Variants in TUT4 observed in about 807,000 individuals in gnomAD.
TUT4 encodes the protein terminal uridylyltransferase 4.
In TUT4, 36 loss-of-function variants were observed where a neutral mutation model predicts 192.2. The observed-to-expected ratio is 0.19, with a 90% CI of 0.14 to 0.25. TUT4 has a LOEUF of 0.25. TUT4 is among the 10% of genes least tolerant of loss of function. TUT4 has a pLI of 1.00. For missense variants in TUT4, 1,493 were observed against 1,957.2 expected (o/e 0.76, Z 4.47); for synonymous variants, 618 against 666.0 (o/e 0.93, Z 1.11).
rs1235155847 is a variant in TUT4 at position 52,477,891 on chromosome 1, G to A, written c.1849-9C>T. 6 of 1,570,442 alleles carry A rather than the reference G, an allele frequency of 3.8e-6. No individual in the cohort carries two copies. Among genetic ancestry groups the A allele is most frequent in the South Asian group, 2.4e-5 (2 of 84,018 alleles). On this transcript the variant is annotated splice_polypyrimidine_tract_variant and intron_variant, in intron 11 of 29. Transcript: ENST00000257177. ...TCCAATGCTAAAGGAGACTGGAAAAGAAAAAATACTTTTCATTTAAGCTTA... is the reference window on the plus strand; with the variant it reads ...TCCAATGCTAAAGGAGACTGGAAAAAAAAAAATACTTTTCATTTAAGCTTA...
At chr1:52,476,987 A>G (rs1667257999) in intron 12 of TUT4, among the ~76,000 whole-genome samples, 1 of 152,188 alleles carries the variant, frequency 6.6e-6, no homozygotes, top group Non-Finnish European at 1.5e-5. Flanking sequence ...CTGATGTGAA[A>G]CTTTGTCAAC....
chr1:52,536,655 C>G (rs189444497), intron 1 of TUT4, among the ~76,000 whole-genome samples: 2 of 149,702 alleles, frequency 1.3e-5, no homozygotes, highest in African/African-American at 4.9e-5. Context: ...GAGTTCACAA[C>G]CAGCCTGGAG....
intron 3 of TUT4, among the ~76,000 whole-genome samples, chr1:52,511,717 T>C (rs1262985629): frequency 6.6e-6 from 1 of 152,144 alleles, no homozygotes; most frequent in African/African-American, 2.4e-5. Context: ...AAAGTTAGCA[T>C]AACTGGGAAC....
chr1:52,431,166 C>T lies in TUT4; in HGVS notation c.4558G>A (p.Ala1520Thr). Reference sequence around the variant, plus strand: ...TCATTTAGGCCAATATTGCTGGGGGCACTGCCTGGTGCAGAGTGGATCACT... The same window carrying T: ...TCATTTAGGCCAATATTGCTGGGGGTACTGCCTGGTGCAGAGTGGATCACT... ...GPVIHSAPGS[A>T]PSNIGLNDPS... Residue 1520 changes from alanine (A) to threonine (T), a missense_variant, in exon 28 of 30, where the codon GCC (alanine) becomes ACC (threonine). Ala to Thr is a moderately conservative substitution (Grantham distance 58). Around this residue, in one of 7 missense-constraint regions of TUT4, gnomAD observed 351 missense variants for 397.8 expected, o/e 0.88. Coordinates refer to ENST00000257177, the MANE Select transcript of TUT4 (RefSeq NM_001009881.3). 6.2e-7 allele frequency: 1 copy of T among 1,614,200 alleles called. No homozygotes were observed. Among genetic ancestry groups the T allele is most frequent in the South Asian group, 1.1e-5 (1 of 91,074 alleles).
intron 3 of TUT4, among the ~76,000 whole-genome samples, chr1:52,514,039 G>A (rs1300136070): frequency 6.6e-6 from 1 of 152,166 alleles, no homozygotes; most frequent in Admixed American, 6.5e-5. Flanking sequence ...TTATAAATAA[G>A]GAGATAGAAT....
At chr1:52,426,560 C>CAA (rs11434111) in intron 28 of TUT4, among the ~76,000 whole-genome samples, 1 of 151,420 alleles carries the variant, frequency 6.6e-6, no homozygotes, top group African/African-American at 2.4e-5. Context: ...GAGTAGGCAG[C>CAA]AAAAAAAACT....
chr1:52,474,814 T>C lies in TUT4; in HGVS notation c.2727+18A>G, dbSNP rs750734152. On this transcript the variant is annotated intron_variant, in intron 13 of 29. Coordinates refer to ENST00000257177, the MANE Select transcript of TUT4 (RefSeq NM_001009881.3). ...ACAACCACAAAATCTTACAGATCAT[T>C]TACAAACTGTATCCTACCTTGCCAG... The C allele has an allele frequency of 6.4e-7, 1 of 1,554,364 alleles. No homozygotes were observed. The highest frequency in any genetic ancestry group is 8.7e-7 in the Non-Finnish European group (1 of 1,154,660).
At chr1:52,457,966 C>CTCCTGTT (rs1661448947) in intron 20 of TUT4, among the ~76,000 whole-genome samples, 3 of 152,244 alleles carry the variant, frequency 2.0e-5, no homozygotes, top group African/African-American at 4.8e-5. Flanking sequence ...TGCCAGGCAA[C>CTCCTGTT]AGGAGGGAAA....
chr1:52,484,044 CA>C (rs1669167188), intron 9 of TUT4, among the ~76,000 whole-genome samples: 1 of 151,128 alleles, frequency 6.6e-6, no homozygotes, highest in Non-Finnish European at 1.5e-5. Context: ...CTTGAAAAAG[CA>C]AAACAAAACA....
At chr1:52,527,988 C>G (rs529764757) in intron 1 of TUT4, among the ~76,000 whole-genome samples, 3 of 149,712 alleles carry the variant, frequency 2.0e-5, no homozygotes, top group African/African-American at 7.4e-5. Context: ...ACCAGCCTGG[C>G]CAACATGGTG....
At chr1:52,500,657 G>C (rs1673839951) in intron 4 of TUT4, among the ~76,000 whole-genome samples, 1 of 152,178 alleles carries the variant, frequency 6.6e-6, no homozygotes, top group South Asian at 2.1e-4. Flanking sequence ...AGCTACTTGG[G>C]AGACTGAGGC....
chr1:52,493,965 CTTTTTTTTT>C (rs74540967), intron 6 of TUT4, among the ~76,000 whole-genome samples: 1 of 132,834 alleles, frequency 7.5e-6, no homozygotes, highest in Non-Finnish European at 1.6e-5. Flanking sequence ...CCAGCTAATA[CTTTTTTTTT>C]TTTTTTTTTT....
intron 8 of TUT4, 134 bp downstream of exon 8, chr1:52,490,598 G>A: frequency 1.8e-6 from 1 of 563,516 alleles, no homozygotes; most frequent in Non-Finnish European, 3.0e-6. Context: ...TATTTTTAAT[G>A]AATAGAAACT....
intron 13 of TUT4, among the ~76,000 whole-genome samples, chr1:52,474,378 T>C (rs1200132987): frequency 2.0e-5 from 3 of 152,204 alleles, no homozygotes; most frequent in African/African-American, 7.2e-5. Context: ...CTCAACTACC[T>C]TTAGTATGCT....
At chr1:52,461,033 G>T in intron 19 of TUT4, 101 bp downstream of exon 19, 2 of 955,366 alleles carry the variant, frequency 2.1e-6, no homozygotes, top group Non-Finnish European at 3.0e-6. Flanking sequence ...TAAAAGCTCA[G>T]ATAAACAAAA....
chr1:52,440,871 T>C (rs921474191), intron 24 of TUT4, among the ~76,000 whole-genome samples: 1 of 152,210 alleles, frequency 6.6e-6, no homozygotes, highest in African/African-American at 2.4e-5. Context: ...CTAATACTAA[T>C]AATTAGATAT....
chr1:52,495,555 C>CA, intron 5 of TUT4, 40 bp from the exon 6 acceptor site: 2 of 1,431,692 alleles, frequency 1.4e-6, no homozygotes, highest in Non-Finnish European at 1.9e-6. Context: ...AAATAGCATG[C>CA]AAATATGAGA....
At chr1:52,459,660 C>T (rs968098869) in intron 19 of TUT4, among the ~76,000 whole-genome samples, 1 of 151,448 alleles carries the variant, frequency 6.6e-6, no homozygotes, top group African/African-American at 2.4e-5. Flanking sequence ...CCGAGGCGGG[C>T]GGAGGAGGTC....
intron 28 of TUT4, among the ~76,000 whole-genome samples, chr1:52,430,182 T>C (rs1651601475): frequency 6.6e-6 from 1 of 152,182 alleles, no homozygotes. Flanking sequence ...TTTAAAGAAT[T>C]GTTCCTGAGA....
Sources: allele counts gnomAD v4.1 joint callset (sites outside exome capture counted in the v4.1 genomes callset), GRCh38; gene constraint gnomAD v4.1.1; regional missense constraint gnomAD v4.1.1; transcripts MANE v1.5; gene names NCBI Gene and HGNC (gene_info 2026-07-23, HGNC 2026-07-21).